STK26: variants seen among roughly 807,000 people sequenced by gnomAD.
STK26 encodes the protein serine/threonine-protein kinase 26.
STK26 carries 14 observed loss-of-function variants against 34.7 expected under a neutral mutation model. The observed-to-expected ratio is 0.40, with a 90% confidence interval of 0.27 to 0.63. The LOEUF (loss-of-function observed/expected upper bound fraction) is 0.63, where lower values mean the gene tolerates loss of function less well. Ranked by LOEUF, STK26 falls within the 30% of genes least tolerant of loss-of-function variation. The pLI is 0.38. For missense variants in STK26, 226 were observed against 309.1 expected (o/e 0.73, Z 2.02); for synonymous variants, 100 against 109.8 (o/e 0.91, Z 0.56).
intron 2 of STK26, among the ~76,000 whole-genome samples, chrX:132,040,713 C>T (rs1926233759): frequency 9.0e-6 from 1 of 111,541 alleles, no homozygotes; most frequent in Non-Finnish European, 1.9e-5. Flanking sequence ...CAGATATAAT[C>T]ACATTTGTTT....
chrX:132,057,886 C>T (rs1175052432), intron 3 of STK26, among the ~76,000 whole-genome samples: 1 of 111,214 alleles, frequency 9.0e-6, no homozygotes, highest in Non-Finnish European at 1.9e-5. Flanking sequence ...GAAATGATGC[C>T]AATTTTATGG....
At chrX:132,034,052 T>C (rs780437377) in intron 2 of STK26, among the ~76,000 whole-genome samples, 24 of 107,588 alleles carry the variant, frequency 2.2e-4, no homozygotes, top group African/African-American at 7.4e-4. Flanking sequence ...TATGTATACA[T>C]ATGTAACTAA....
intron 4 of STK26, among the ~76,000 whole-genome samples, chrX:132,064,846 A>G (rs941525254): frequency 1.5e-4 from 17 of 112,093 alleles, no homozygotes; most frequent in Non-Finnish European, 2.8e-4. Context: ...TTTTAGGTGG[A>G]GATGAGTTTT....
intron 4 of STK26, among the ~76,000 whole-genome samples, chrX:132,067,073 A>G (rs1409283274): frequency 8.9e-6 from 1 of 111,985 alleles, no homozygotes. Context: ...AAGTAAGTAG[A>G]TAATGTTACC....
At position 132,039,480 on chromosome X, in the gene STK26, A is replaced by G. The variant is rs138384262; in HGVS notation, c.43-15151A>G. On this transcript the variant is annotated intron_variant, in intron 2 of 11. Transcript: ENST00000394334. ...TGCAAATGTAAAGTAAAGAGATTGC[A>G]TAGGTAATCCTTAAGCTCTAAAACT... 3.6e-5 allele frequency among the ~76,000 whole-genome samples: 4 copies of G among 111,700 alleles called. No individual in the cohort carries two copies. The East Asian group carries it at 1.1e-3, about 31-fold the overall frequency.
intron 2 of STK26, among the ~76,000 whole-genome samples, chrX:132,051,509 T>TG (rs1926689512): frequency 1.8e-5 from 2 of 111,752 alleles, no homozygotes; most frequent in Non-Finnish European, 3.8e-5. Context: ...GCTCTTTTTT[T>TG]GGGGCAGCTT....
intron 4 of STK26, among the ~76,000 whole-genome samples, chrX:132,066,288 A>C (rs1468009210): frequency 1.8e-5 from 2 of 112,172 alleles, no homozygotes; most frequent in Non-Finnish European, 3.8e-5. Context: ...TGACTAGAAT[A>C]AAACATGAGC....
intron 3 of STK26, among the ~76,000 whole-genome samples, chrX:132,060,656 CCCGAG>C: frequency 9.4e-6 from 1 of 105,869 alleles, no homozygotes; most frequent in African/African-American, 3.5e-5. Flanking sequence ...CACTCTGTCT[CCCGAG>C]CTGGAGTACA....
intron 2 of STK26, among the ~76,000 whole-genome samples, chrX:132,035,832 T>TACACACACACACACACAC (rs61494612): frequency 2.6e-5 from 2 of 78,216 alleles, no homozygotes; most frequent in African/African-American, 9.8e-5. Context: ...TCTGGCTGCA[T>TACACACACACACACACAC]ACACACACAC....
intron 2 of STK26, among the ~76,000 whole-genome samples, chrX:132,037,833 A>T (rs973405562): frequency 1.4e-4 from 14 of 100,348 alleles, no homozygotes; most frequent in African/African-American, 4.9e-4. Flanking sequence ...CTGTCACTGA[A>T]AGATCTTTTT....
chrX:132,030,838 TA>T (rs1925805425), intron 2 of STK26, among the ~76,000 whole-genome samples: 1 of 112,192 alleles, frequency 8.9e-6, no homozygotes, highest in Admixed American at 9.4e-5. Context: ...TAACTCATTT[TA>T]AAAAAATCAA....
rs1166896711 is a variant in STK26, at chrX:132,072,330, A to G, written c.995A>G (p.Lys332Arg). The G allele has an allele frequency of 5.8e-6, 7 of 1,204,947 alleles. No homozygotes were observed. Among genetic ancestry groups the G allele is most frequent in the Non-Finnish European group, 1.1e-6 (1 of 891,102 alleles). The change falls in exon 9 of 12, where the codon AAG becomes AGG. Residue 332 changes from lysine (K) to arginine (R), a missense_variant. Physicochemically the swap from Lys to Arg is conservative, Grantham distance 26. Transcript: ENST00000394334. ...PEWSFTTVRK[K>R]PDPKKVQNGA... ...TGGAGCTTTACCACCGTACGAAAGA[A>G]GCCTGATCCAAAGAAAGTACAGAAT...
chrX:132,056,848 T>A (rs1926877363), intron 3 of STK26, among the ~76,000 whole-genome samples: 1 of 112,261 alleles, frequency 8.9e-6, no homozygotes, highest in South Asian at 3.7e-4. Context: ...AGGGACCTTG[T>A]CTCCAGAGCC....
intron 2 of STK26, among the ~76,000 whole-genome samples, chrX:132,043,730 G>T: frequency 9.0e-6 from 1 of 111,236 alleles, no homozygotes; most frequent in Non-Finnish European, 1.9e-5. Flanking sequence ...AATCATCCTG[G>T]ATGCTCCAGG....
At chrX:132,042,243 A>T (rs1391032705) in intron 2 of STK26, among the ~76,000 whole-genome samples, 2 of 111,485 alleles carry the variant, frequency 1.8e-5, no homozygotes, top group African/African-American at 6.5e-5. Flanking sequence ...AACAAAAAGT[A>T]GAAGAGTCTT....
chrX:132,025,647 C>CTTT (rs57313614), intron 2 of STK26, among the ~76,000 whole-genome samples: 1,124 of 81,680 alleles, frequency 0.014, 25 homozygotes, highest in African/African-American at 0.048. Context: ...AGAGAGGAAT[C>CTTT]TTTTTTTTTT....
At chrX:132,047,852 A>G (rs1226234561) in intron 2 of STK26, among the ~76,000 whole-genome samples, 6 of 111,761 alleles carry the variant, frequency 5.4e-5, no homozygotes, top group Admixed American at 3.8e-4. Flanking sequence ...TCTGGTTACC[A>G]TTCTACTCTA....
intron 3 of STK26, among the ~76,000 whole-genome samples, chrX:132,060,544 C>T (rs1280065204): frequency 1.8e-5 from 2 of 109,734 alleles, no homozygotes; most frequent in African/African-American, 6.6e-5. Flanking sequence ...CTGGCATTGG[C>T]TACATTCACA....
chrX:132,068,661 G>A (rs1304021547), intron 6 of STK26, 92 bp downstream of exon 6: 1 of 911,571 alleles, frequency 1.1e-6, no homozygotes, highest in Non-Finnish European at 1.5e-6. Context: ...ATTTTTCCTT[G>A]TTTCACAAGT....
Sources: gnomAD v4.1 joint callset for allele counts (sites outside exome capture counted in the v4.1 genomes callset) on GRCh38, gnomAD v4.1.1 for gene constraint, MANE v1.5 for transcripts, NCBI Gene and HGNC (gene_info 2026-07-23, HGNC 2026-07-21) for gene names.